SH3PXD2A: variants seen among roughly 807,000 people sequenced by gnomAD.
The protein encoded by SH3PXD2A is SH3 and PX domain-containing protein 2A.
A neutral mutation model predicts 115.2 loss-of-function variants in SH3PXD2A; 32 were observed. That is an observed-to-expected ratio of 0.28 (90% confidence interval 0.21 to 0.37). The LOEUF (loss-of-function observed/expected upper bound fraction) is 0.37, where lower values mean the gene tolerates loss of function less well. Ranked by LOEUF, SH3PXD2A falls within the 10% of genes least tolerant of loss-of-function variation. The probability of loss-of-function intolerance (pLI) is 1.00; values close to 1 mark genes in which losing one functional copy is unlikely to be tolerated. For missense variants in SH3PXD2A, 1,328 were observed against 1,498.7 expected (o/e 0.89, Z 1.88); for synonymous variants, 610 against 629.1 (o/e 0.97, Z 0.45).
At chr10:103,734,817 C>T (rs1226837413) in intron 4 of SH3PXD2A, among the ~76,000 whole-genome samples, 2 of 152,080 alleles carry the variant, frequency 1.3e-5, no homozygotes, top group African/African-American at 4.8e-5. Flanking sequence ...TTATTTAATA[C>T]AAATTGTTTG....
At chr10:103,626,995 C>T (rs935974616) in intron 9 of SH3PXD2A, 94 bp downstream of exon 9, 73 of 727,466 alleles carry the variant, frequency 1.0e-4, no homozygotes, top group Non-Finnish European at 1.7e-4. Context: ...TGGCTCAGCT[C>T]ACTTTAGGGG....
intron 1 of SH3PXD2A, among the ~76,000 whole-genome samples, chr10:103,848,847 C>T (rs902828377): frequency 4.6e-5 from 7 of 151,980 alleles, no homozygotes; most frequent in African/African-American, 1.5e-4. Context: ...TTATGCTGAG[C>T]TCCATAAGGC....
intron 9 of SH3PXD2A, among the ~76,000 whole-genome samples, chr10:103,624,624 T>G (rs1317673875): frequency 2.6e-5 from 4 of 152,206 alleles, no homozygotes; most frequent in Non-Finnish European, 4.4e-5. Context: ...CAGCCAATCA[T>G]CTTTTCTTCC....
Position 103,668,657 on chromosome 10 carries a change from C to A in SH3PXD2A, c.428-5G>T. 1 of 1,559,526 alleles carries A rather than the reference C, an allele frequency of 6.4e-7. No individual in the cohort carries two copies. Among genetic ancestry groups the A allele is most frequent in the East Asian group, 2.4e-5 (1 of 42,066 alleles). On this transcript the variant is annotated splice_region_variant and splice_polypyrimidine_tract_variant and intron_variant, in intron 6 of 14. Coordinates refer to ENST00000369774, the MANE Select transcript of SH3PXD2A (RefSeq NM_001394015.1). ...CAGCCCAGCTGGACAGCCACACTTC[C>A]GAGTCCCCGAGAGCAAGCGGCAGCA...
chr10:103,726,365 A>C (rs1275357524), intron 4 of SH3PXD2A, among the ~76,000 whole-genome samples: 1 of 152,180 alleles, frequency 6.6e-6, no homozygotes, highest in Non-Finnish European at 1.5e-5. Context: ...GGTCGTCCTC[A>C]TGAGGGCACA....
chr10:103,615,875 T>A (rs1031626414), intron 11 of SH3PXD2A, among the ~76,000 whole-genome samples: 1 of 152,134 alleles, frequency 6.6e-6, no homozygotes, highest in African/African-American at 2.4e-5. Flanking sequence ...GTGATTGGGT[T>A]GACTCTAGTT....
Position 103,607,349 on chromosome 10 carries a change from G to A in SH3PXD2A, c.1309-1432C>T, listed in dbSNP as rs548767112. On this transcript the variant is annotated intron_variant, in intron 13 of 14. Transcript: ENST00000369774. ...AGCCCCTCCGACCGGCAGCTGCCCC[G>A]TCTGGGAAGTGAGGAGCGTCTCCGC... Among the ~76,000 whole-genome samples the A allele has an allele frequency of 1.1e-4, 16 of 151,724 alleles. No individual in the cohort carries two copies. The East Asian group carries it at 1.4e-3, about 13-fold the overall frequency.
chr10:103,706,310 AG>A (rs1300497782), intron 5 of SH3PXD2A, among the ~76,000 whole-genome samples: 2 of 152,064 alleles, frequency 1.3e-5, no homozygotes, highest in Non-Finnish European at 2.9e-5. Context: ...GCTGGACTGG[AG>A]GAGCCTGAGG....
At chr10:103,751,869 G>A (rs796320002) in intron 3 of SH3PXD2A, among the ~76,000 whole-genome samples, 6 of 152,274 alleles carry the variant, frequency 3.9e-5, no homozygotes, top group South Asian at 2.1e-4. Flanking sequence ...CGAATAACCC[G>A]CACTCCCTGT....
intron 2 of SH3PXD2A, among the ~76,000 whole-genome samples, chr10:103,776,426 GTGTGTGTGT>G (rs1564886350): frequency 4.6e-5 from 6 of 129,808 alleles, no homozygotes; most frequent in African/African-American, 6.5e-5. Context: ...GTGTGCATGC[GTGTGTGTGT>G]CTGTGTGTGT....
intron 5 of SH3PXD2A, among the ~76,000 whole-genome samples, chr10:103,710,020 G>A (rs1261189325): frequency 1.3e-5 from 2 of 151,946 alleles, no homozygotes; most frequent in African/African-American, 2.4e-5. Context: ...ACTTGGACCC[G>A]GGAGGCGGAG....
intron 1 of SH3PXD2A, among the ~76,000 whole-genome samples, chr10:103,815,099 T>C (rs1206687057): frequency 6.6e-6 from 1 of 152,174 alleles, no homozygotes; most frequent in East Asian, 1.9e-4. Flanking sequence ...GAGAAAACTA[T>C]TAAAGTCTTA....
chr10:103,736,241 C>T (rs1463450948), intron 3 of SH3PXD2A, among the ~76,000 whole-genome samples: 2 of 152,248 alleles, frequency 1.3e-5, no homozygotes, highest in East Asian at 3.8e-4. Flanking sequence ...GGCAGGAATT[C>T]CTATTCTTAG....
chr10:103,788,270 G>T (rs1405310234), intron 2 of SH3PXD2A, among the ~76,000 whole-genome samples: 1 of 152,188 alleles, frequency 6.6e-6, no homozygotes, highest in Non-Finnish European at 1.5e-5. Context: ...ATGGGAAGGT[G>T]GAGACTCCTG....
intron 2 of SH3PXD2A, among the ~76,000 whole-genome samples, chr10:103,791,333 C>A (rs1431127592): frequency 1.3e-5 from 2 of 152,202 alleles, no homozygotes; most frequent in African/African-American, 4.8e-5. Context: ...CTGTGAACAC[C>A]GTGAATACCC....
Position 103,666,479 on chromosome 10 carries a change from G to A in SH3PXD2A, c.472+2129C>T, listed in dbSNP as rs1300019924. Among the ~76,000 whole-genome samples, 1 of 152,192 alleles carries A rather than the reference G, an allele frequency of 6.6e-6. No individual in the cohort carries two copies. Among genetic ancestry groups the A allele is most frequent in the African/African-American group, 2.4e-5 (1 of 41,438 alleles). On this transcript the variant is annotated intron_variant, in intron 7 of 14. Coordinates refer to ENST00000369774, the MANE Select transcript of SH3PXD2A (RefSeq NM_001394015.1). This position sits in a 1 kb window ranked among gnomAD's most constrained non-coding sequence, Gnocchi z 4.5. ...GGGCATTGCTCCCCAACCAAAGTAT[G>A]TGCCTTGGACAAGAGTCTCTCGACA...
rs150167716 is a variant in SH3PXD2A at position 103,771,080 on chromosome 10, G to C, written c.154-3911C>G. On this transcript the variant is annotated intron_variant, in intron 2 of 14. Coordinates refer to ENST00000369774, the MANE Select transcript of SH3PXD2A (RefSeq NM_001394015.1). ...GGTACAGAGATGTCTGAGGAGAGAG[G>C]TGGGCCCAGCAACACGCGCCCAGGT... is the stretch of plus-strand genomic sequence containing the variant. 5.5e-3 allele frequency among the ~76,000 whole-genome samples: 834 copies of C among 152,248 alleles called. 6 individuals carry two copies. Among genetic ancestry groups the C allele is most frequent in the African/African-American group, 0.019 (798 of 41,532 alleles).
chr10:103,775,207 A>G (rs1356523630), intron 2 of SH3PXD2A, among the ~76,000 whole-genome samples: 2 of 152,208 alleles, frequency 1.3e-5, no homozygotes, highest in South Asian at 4.1e-4. Flanking sequence ...AAGTTCCTTA[A>G]CAAGTCAAAG....
rs1339935968 is a variant in SH3PXD2A at position 103,602,372 on chromosome 10, A to G, written c.2846T>C (p.Ile949Thr). 1 of 1,613,564 alleles carries G rather than the reference A, an allele frequency of 6.2e-7. No individual in the cohort carries two copies. Among genetic ancestry groups the G allele is most frequent in the Non-Finnish European group, 8.5e-7 (1 of 1,179,828 alleles). ...GAAGCCCCCGGGAGGTTTGGAGGGGATGGGGGGCGTGGCCTTCTTGCTCTG... is the reference window on the plus strand; with the variant it reads ...GAAGCCCCCGGGAGGTTTGGAGGGGGTGGGGGGCGTGGCCTTCTTGCTCTG... ...VNQSKKATPP[I>T]PSKPPGGFGK... Residue 949 changes from isoleucine to threonine, a missense_variant, in exon 15 of 15, where the codon ATC (isoleucine) becomes ACC (threonine). Around this residue, in one of 5 missense-constraint regions of SH3PXD2A, gnomAD observed 574 missense variants for 565.7 expected, o/e 1.01. Coordinates refer to ENST00000369774, the MANE Select transcript of SH3PXD2A (RefSeq NM_001394015.1).
Sources: allele counts gnomAD v4.1 joint callset (sites outside exome capture counted in the v4.1 genomes callset), GRCh38; gene constraint gnomAD v4.1.1; regional missense constraint gnomAD v4.1.1; non-coding constraint Gnocchi (gnomAD v3.1); transcripts MANE v1.5; gene names NCBI Gene and HGNC (gene_info 2026-07-23, HGNC 2026-07-21).